BNC2: variants seen among roughly 807,000 people sequenced by gnomAD.
The protein encoded by BNC2 is zinc finger protein basonuclin-2.
Under a neutral mutation model 76.3 loss-of-function variants are expected in BNC2, and 20 were observed. That is an observed-to-expected ratio of 0.26 (90% CI 0.18 to 0.38). The LOEUF is 0.38. Among genes scored for constraint, BNC2 ranks in the 10% least tolerant of loss-of-function variants. The probability of loss-of-function intolerance (pLI) is 1.00; values close to 1 mark genes in which losing one functional copy is unlikely to be tolerated. For missense variants in BNC2, 1,382 were observed against 1,399.8 expected (o/e 0.99, Z 0.20); for synonymous variants, 582 against 514.8 (o/e 1.13, Z -1.77).
In BNC2 at chr9:16,419,668, AGG is replaced by A; in HGVS notation, c.2640-21_2640-20del. The A allele has an allele frequency of 5.2e-6, 3 of 578,586 alleles. No individual in the cohort carries two copies. Among genetic ancestry groups the A allele is most frequent in the Non-Finnish European group, 9.1e-6 (3 of 330,894 alleles). The allele number at this position is 578,586 out of a possible 1,614,324, so 35.8% of individuals were successfully genotyped here. ...ACTGTGTCTAGGAAAACAAGAGGGA[AGG>A]GGGGGTACGTGGATGGGGGGTGGGG... is the stretch of plus-strand genomic sequence containing the variant. On this transcript the variant is annotated intron_variant, in intron 6 of 6. Transcript: ENST00000380672.
intron 5 of BNC2, among the ~76,000 whole-genome samples, chr9:16,550,423 C>T (rs1205402281): frequency 6.6e-6 from 1 of 152,268 alleles, no homozygotes; most frequent in Middle Eastern, 3.4e-3. Context: ...ATTTTTTATA[C>T]CTGCATTAGA....
At chr9:16,512,322 T>C (rs1822775740) in intron 5 of BNC2, among the ~76,000 whole-genome samples, 1 of 152,216 alleles carries the variant, frequency 6.6e-6, no homozygotes, top group South Asian at 2.1e-4. Flanking sequence ...TAAAAAGTTA[T>C]TGTTACTGAG....
At chr9:16,490,905 T>A (rs1010703491) in intron 5 of BNC2, among the ~76,000 whole-genome samples, 5 of 152,092 alleles carry the variant, frequency 3.3e-5, no homozygotes, top group African/African-American at 1.2e-4. Context: ...CGGAGGAGTG[T>A]TCCTTGGAAG....
chr9:16,712,052 T>C (rs975207053), intron 3 of BNC2, among the ~76,000 whole-genome samples: 1 of 152,196 alleles, frequency 6.6e-6, no homozygotes, highest in Non-Finnish European at 1.5e-5. Context: ...TTTGGATCAT[T>C]ACTCAGTTTT....
At chr9:16,611,223 G>A (rs183763829) in intron 3 of BNC2, among the ~76,000 whole-genome samples, 27 of 152,280 alleles carry the variant, frequency 1.8e-4, no homozygotes, top group East Asian at 5.8e-4. Context: ...AAGGAAAGGC[G>A]CTATCAATCG....
intron 5 of BNC2, among the ~76,000 whole-genome samples, chr9:16,539,988 T>G (rs188384037): frequency 1.3e-5 from 2 of 152,118 alleles, no homozygotes; most frequent in African/African-American, 4.8e-5. Context: ...AAATTAGCAG[T>G]AATGAGTAGC....
chr9:16,664,134 A>C (rs1430087300), intron 3 of BNC2, among the ~76,000 whole-genome samples: 1 of 152,152 alleles, frequency 6.6e-6, no homozygotes. Context: ...ATACCACGAC[A>C]AAAAAATGAC....
At chr9:16,455,424 T>C (rs913443876) in intron 5 of BNC2, among the ~76,000 whole-genome samples, 5 of 152,134 alleles carry the variant, frequency 3.3e-5, no homozygotes, top group Non-Finnish European at 5.9e-5. Flanking sequence ...AAAAAGAAAA[T>C]ACACAGAGTG....
At chr9:16,496,003 G>C (rs914165309) in intron 5 of BNC2, among the ~76,000 whole-genome samples, 6 of 151,248 alleles carry the variant, frequency 4.0e-5, no homozygotes, top group African/African-American at 1.5e-4. Flanking sequence ...CCACCTCCTG[G>C]GTTCAAGTGA....
chr9:16,566,863 T>A (rs1001993900), intron 4 of BNC2, among the ~76,000 whole-genome samples: 6 of 152,048 alleles, frequency 3.9e-5, no homozygotes, highest in African/African-American at 1.4e-4. Context: ...AAACAAAGGG[T>A]CAATTAATCT....
intron 3 of BNC2, among the ~76,000 whole-genome samples, chr9:16,649,223 G>C (rs1022641634): frequency 1.3e-5 from 2 of 152,164 alleles, no homozygotes; most frequent in African/African-American, 2.4e-5. Flanking sequence ...CTGCATCTTG[G>C]AGTTGCAAAG....
rs1471470183 is a variant in BNC2 at position 16,707,349 on chromosome 9, G to C, written c.330+20448C>G. Among the ~76,000 whole-genome samples, 3 of 152,314 alleles carry C rather than the reference G, an allele frequency of 2.0e-5. No individual in the cohort carries two copies. In the South Asian group the frequency reaches 6.2e-4, roughly 32 times the overall value. The stretch of plus-strand genomic sequence containing the variant: ...CCAGTAAAATTGAAGGAAGAATCAA[G>C]TGATGCCGTGAGATTAAAATTACAG... On this transcript the variant is annotated intron_variant, in intron 3 of 6. Transcript: ENST00000380672.
chr9:16,512,522 C>T (rs1822781612), intron 5 of BNC2, among the ~76,000 whole-genome samples: 1 of 151,966 alleles, frequency 6.6e-6, no homozygotes, highest in African/African-American at 2.4e-5. Flanking sequence ...AACCTGAGCA[C>T]AATGTAATTA....
intron 4 of BNC2, among the ~76,000 whole-genome samples, chr9:16,555,169 C>T (rs889812823): frequency 7.3e-5 from 11 of 149,956 alleles, no homozygotes; most frequent in African/African-American, 2.8e-4. Context: ...CAGGCGCCCA[C>T]CACCACGCCT....
intron 4 of BNC2, among the ~76,000 whole-genome samples, chr9:16,581,647 C>T (rs1263352639): frequency 6.6e-6 from 1 of 152,172 alleles, no homozygotes; most frequent in Non-Finnish European, 1.5e-5. Context: ...TAAATTTCTG[C>T]TCTCTAAGCC....
intron 1 of BNC2, among the ~76,000 whole-genome samples, chr9:16,779,145 G>GAAAAA (rs1554729038): frequency 1.1e-4 from 14 of 131,128 alleles, no homozygotes; most frequent in Non-Finnish European, 1.5e-4. Context: ...GAAAAGAAAA[G>GAAAAA]AAAAAAAAAC....
chr9:16,523,107 T>G (rs558987932), intron 5 of BNC2, among the ~76,000 whole-genome samples: 9 of 152,296 alleles, frequency 5.9e-5, no homozygotes, highest in African/African-American at 2.2e-4. Flanking sequence ...TCAGTGTCTA[T>G]TCGTGTGTTT....
intron 4 of BNC2, among the ~76,000 whole-genome samples, chr9:16,561,267 T>G (rs1014778843): frequency 6.6e-6 from 1 of 151,342 alleles, no homozygotes; most frequent in Non-Finnish European, 1.5e-5. Context: ...CCCACAGCCT[T>G]TGAAAATTGC....
chr9:16,503,136 A>G (rs1025378033), intron 5 of BNC2, among the ~76,000 whole-genome samples: 5 of 152,200 alleles, frequency 3.3e-5, no homozygotes, highest in African/African-American at 1.2e-4. Flanking sequence ...AACAGAAAAG[A>G]ATATAAGAGG....
Sources: gnomAD v4.1 joint callset for allele counts (sites outside exome capture counted in the v4.1 genomes callset) on GRCh38, gnomAD v4.1.1 for gene constraint, MANE v1.5 for transcripts, NCBI Gene and HGNC (gene_info 2026-07-23, HGNC 2026-07-21) for gene names.